The following CDH18 variants were observed in gnomAD, a reference collection of about 807,000 sequenced individuals.
The protein encoded by CDH18 is cadherin-18.
Under a neutral mutation model 67.9 loss-of-function variants are expected in CDH18, and 31 were observed. The ratio of observed to expected loss-of-function variants is 0.46; its 90% CI spans 0.34 to 0.62. The LOEUF is 0.62. CDH18 is among the 20% of genes least tolerant of loss of function. CDH18 has a pLI of 0.01. For synonymous variants in CDH18, 362 were observed against 347.2 expected (o/e 1.04, Z -0.48); for missense variants, 890 against 975.5 (o/e 0.91, Z 1.17).
At chr5:19,622,193 G>A (rs986243799) in intron 5 of CDH18, among the ~76,000 whole-genome samples, 2 of 152,108 alleles carry the variant, frequency 1.3e-5, no homozygotes, top group Non-Finnish European at 2.9e-5. Flanking sequence ...GGAATCAAAG[G>A]TCCGCATTGT....
At chr5:20,157,850 C>T (rs1751662709) in intron 2 of CDH18, among the ~76,000 whole-genome samples, 1 of 152,034 alleles carries the variant, frequency 6.6e-6, no homozygotes, top group Non-Finnish European at 1.5e-5. Context: ...CCATGTTGGC[C>T]AGGATGGTCT....
chr5:20,169,244 C>T (rs1419105263), intron 2 of CDH18, among the ~76,000 whole-genome samples: 1 of 151,830 alleles, frequency 6.6e-6, no homozygotes, highest in African/African-American at 2.4e-5. Flanking sequence ...ATCTCATGTA[C>T]CCCATAAATA....
At chr5:19,891,226 C>T (rs1418768028) in intron 2 of CDH18, among the ~76,000 whole-genome samples, 1 of 152,032 alleles carries the variant, frequency 6.6e-6, no homozygotes. Flanking sequence ...CAGTGCACCT[C>T]CAAAATAAAA....
intron 1 of CDH18, among the ~76,000 whole-genome samples, chr5:20,333,201 A>T (rs1267888558): frequency 6.6e-6 from 1 of 152,060 alleles, no homozygotes; most frequent in African/African-American, 2.4e-5. Flanking sequence ...ACACACAGGT[A>T]TATGGGATCA....
chr5:19,690,409 A>C (rs1761706679), intron 5 of CDH18, among the ~76,000 whole-genome samples: 1 of 151,588 alleles, frequency 6.6e-6, no homozygotes, highest in South Asian at 2.1e-4. Context: ...TCAAGAACTA[A>C]AAACACCCCA....
intron 1 of CDH18, among the ~76,000 whole-genome samples, chr5:20,542,156 T>C (rs116706523): frequency 0.012 from 1,850 of 152,186 alleles, 28 homozygotes; most frequent in African/African-American, 0.042. Context: ...ATGTTCACCA[T>C]CAGAGTTCAG....
intron 3 of CDH18, among the ~76,000 whole-genome samples, chr5:19,836,117 T>A (rs1361438397): frequency 6.6e-6 from 1 of 152,186 alleles, no homozygotes. Context: ...TTAGTTAGAT[T>A]AAAATTTTAA....
intron 2 of CDH18, among the ~76,000 whole-genome samples, chr5:20,096,730 C>T (rs1746024017): frequency 6.6e-6 from 1 of 151,762 alleles, no homozygotes. Flanking sequence ...GGATCAATAA[C>T]AAAATGCTAA....
intron 1 of CDH18, among the ~76,000 whole-genome samples, chr5:20,340,787 T>C (rs1740191829): frequency 3.3e-5 from 5 of 152,124 alleles, no homozygotes; most frequent in Admixed American, 3.3e-4. Context: ...CCTCCTCCTG[T>C]AGCATGACCG....
chr5:19,626,851 C>A (rs1751632237), intron 5 of CDH18, among the ~76,000 whole-genome samples: 1 of 152,148 alleles, frequency 6.6e-6, no homozygotes, highest in Non-Finnish European at 1.5e-5. Flanking sequence ...TTCTGGGTCA[C>A]AAGTGCTGAT....
At chr5:20,350,989 G>A (rs578054008) in intron 1 of CDH18, among the ~76,000 whole-genome samples, 1 of 151,488 alleles carries the variant, frequency 6.6e-6, no homozygotes, top group Admixed American at 6.6e-5. Flanking sequence ...AAAAAAAGGA[G>A]AACTTTTTCA....
intron 1 of CDH18, among the ~76,000 whole-genome samples, chr5:20,349,709 A>T (rs1238204932): frequency 6.6e-6 from 1 of 152,118 alleles, no homozygotes; most frequent in Non-Finnish European, 1.5e-5. Flanking sequence ...TTTCATATTT[A>T]ACACTCTATT....
chr5:20,146,358 C>G (rs1481855801), intron 2 of CDH18, among the ~76,000 whole-genome samples: 1 of 151,892 alleles, frequency 6.6e-6, no homozygotes, highest in Non-Finnish European at 1.5e-5. Context: ...CCTGGTAGAC[C>G]ATTGAAAGGA....
intron 1 of CDH18, among the ~76,000 whole-genome samples, chr5:20,408,450 C>T (rs936575210): frequency 2.6e-5 from 4 of 151,686 alleles, no homozygotes; most frequent in African/African-American, 2.4e-5. Context: ...ACATCATTAA[C>T]AAAGTTTTGA....
intron 2 of CDH18, among the ~76,000 whole-genome samples, chr5:20,232,426 T>C (rs930685551): frequency 6.6e-6 from 1 of 152,174 alleles, no homozygotes; most frequent in Non-Finnish European, 1.5e-5. Flanking sequence ...CACATTAGTA[T>C]CTAACTTTAA....
At chr5:20,484,795 G>C (rs987372994) in intron 1 of CDH18, among the ~76,000 whole-genome samples, 19 of 152,000 alleles carry the variant, frequency 1.3e-4, no homozygotes, top group African/African-American at 4.3e-4. Flanking sequence ...GTTACCAGAG[G>C]CTGGGAAGGG....
chr5:19,976,876 T>C (rs754312226), intron 2 of CDH18, among the ~76,000 whole-genome samples: 1 of 152,106 alleles, frequency 6.6e-6, no homozygotes, highest in Non-Finnish European at 1.5e-5. Flanking sequence ...TTTGTAGAGA[T>C]TTTAATGATC....
chr5:19,871,270 C>A (rs914326886), intron 2 of CDH18, among the ~76,000 whole-genome samples: 18 of 152,180 alleles, frequency 1.2e-4, no homozygotes, highest in Admixed American at 1.0e-3. Context: ...AACCAGCACT[C>A]ACCAAATATT....
At chr5:19,507,159 T>C (rs1424821802) in intron 10 of CDH18, among the ~76,000 whole-genome samples, 29 of 152,236 alleles carry the variant, frequency 1.9e-4, no homozygotes, top group African/African-American at 6.7e-4. Context: ...AAAAAATGCT[T>C]ATCATCATTG....
Sources: allele counts gnomAD v4.1 joint callset (sites outside exome capture counted in the v4.1 genomes callset), GRCh38; gene constraint gnomAD v4.1.1; transcripts MANE v1.5; gene names NCBI Gene and HGNC (gene_info 2026-07-23, HGNC 2026-07-21).